LANCL2: variants seen among roughly 807,000 people sequenced by gnomAD.
LANCL2 encodes the protein lanC-like protein 2.
In LANCL2, 33 loss-of-function variants were observed where a neutral mutation model predicts 56.9. The observed-to-expected ratio is 0.58, with a 90% CI of 0.44 to 0.78. The LOEUF (loss-of-function observed/expected upper bound fraction) is 0.78. Among genes scored for constraint, LANCL2 ranks in the 30% least tolerant of loss-of-function variants. LANCL2 has a pLI of 0.00. For missense variants in LANCL2, 562 were observed against 580.2 expected (o/e 0.97, Z 0.32); for synonymous variants, 233 against 228.2 (o/e 1.02, Z -0.19).
chr7:55,365,937 C>A lies in LANCL2; in HGVS notation c.-89C>A. ...CGCTCCTCCTAGAGGACGCTCTCTG[C>A]GCGGGCCCTCGGAGGAGGCGGCGGC... is the stretch of plus-strand genomic sequence containing the variant. On this transcript the variant is annotated 5_prime_UTR_variant, in exon 1 of 9. Transcript: ENST00000254770. The A allele has an allele frequency of 1.5e-5, 16 of 1,073,802 alleles. No individual in the cohort carries two copies. Among genetic ancestry groups the A allele is most frequent in the Non-Finnish European group, 2.0e-5 (16 of 786,218 alleles). The allele number at this position is 1,073,802 out of a possible 1,614,324, so 66.5% of individuals were successfully genotyped here.
intron 4 of LANCL2, among the ~76,000 whole-genome samples, chr7:55,400,549 A>C (rs1487032073): frequency 1.3e-5 from 2 of 152,214 alleles, no homozygotes; most frequent in African/African-American, 4.8e-5. Flanking sequence ...TTAGGGACTC[A>C]GTCTCCAAGT....
chr7:55,408,583 C>T (rs1041295513), intron 5 of LANCL2, among the ~76,000 whole-genome samples: 10 of 151,620 alleles, frequency 6.6e-5, no homozygotes, highest in South Asian at 2.1e-4. Flanking sequence ...GCAGGAGAAT[C>T]GCTCGAACCC....
At chr7:55,376,808 A>G (rs777877879) in intron 1 of LANCL2, among the ~76,000 whole-genome samples, 17 of 152,346 alleles carry the variant, frequency 1.1e-4, no homozygotes, top group Admixed American at 2.6e-4. Context: ...GGGAGTACCC[A>G]GTCTTATTCA....
rs996965986 is a variant in LANCL2 at position 55,431,962 on chromosome 7, G to C, written c.*642G>C. The C allele has an allele frequency of 6.6e-6, 1 of 152,210 alleles. No individual in the cohort carries two copies. Among genetic ancestry groups the C allele is most frequent in the African/African-American group, 2.4e-5 (1 of 41,422 alleles). The allele number at this position is 152,210 out of a possible 1,614,324, so 9.4% of individuals were successfully genotyped here. A position where few individuals can be genotyped will look rare whatever the true frequency, so the allele number is the denominator to read the frequency against. On this transcript the variant is annotated 3_prime_UTR_variant, in exon 9 of 9. Coordinates refer to ENST00000254770, the MANE Select transcript of LANCL2 (RefSeq NM_018697.4). ...CTCAGAGTGCATTGCAGCTCTGTCA[G>C]GGCCCCATTCCCAGCAGAGGCTTCA...
chr7:55,401,556 T>C (rs1480195589), intron 5 of LANCL2, among the ~76,000 whole-genome samples: 1 of 106,178 alleles, frequency 9.4e-6, no homozygotes, highest in African/African-American at 3.9e-5. Context: ...TTTTCTTTTT[T>C]TTTTTTTTTT....
At chr7:55,392,328 T>A (rs565901834) in intron 2 of LANCL2, among the ~76,000 whole-genome samples, 217 of 130,434 alleles carry the variant, frequency 1.7e-3, no homozygotes, top group Non-Finnish European at 2.7e-3. Context: ...ATATCTTTTT[T>A]TTTTCTTTTT....
intron 1 of LANCL2, among the ~76,000 whole-genome samples, chr7:55,375,684 G>T (rs7792144): frequency 1.3e-5 from 2 of 151,980 alleles, no homozygotes; most frequent in African/African-American, 4.8e-5. Context: ...GTACAGTCTG[G>T]CTCTGCTGGC....
Position 55,366,221 on chromosome 7 carries a change from G to C in LANCL2, c.196G>C (p.Asp66His), listed in dbSNP as rs1209019925. ...TDEPGLPFHQ[D>H]GKIIHNFIRR... ...TGAGCCCGGCCTCCCTTTTCATCAGGACGGGAAGGTGAGTCGGCGGCCTGG... is the reference window on the plus strand; with the variant it reads ...TGAGCCCGGCCTCCCTTTTCATCAGCACGGGAAGGTGAGTCGGCGGCCTGG... The change falls in exon 1 of 9, where the codon GAC (aspartate) becomes CAC (histidine). Residue 66 changes from aspartate to histidine, a missense_variant. Around this residue, in one of 2 missense-constraint regions of LANCL2, gnomAD observed 184 missense variants for 111.8 expected, o/e 1.65. Transcript: ENST00000254770. The C allele has an allele frequency of 1.3e-6, 2 of 1,515,746 alleles. No homozygotes were observed. Among genetic ancestry groups the C allele is most frequent in the Admixed American group, 2.1e-5 (1 of 47,884 alleles). 93.9% of individuals were successfully genotyped at this position (1,515,746 alleles called of 1,614,324 possible).
At chr7:55,393,893 A>T (rs912811073) in intron 2 of LANCL2, among the ~76,000 whole-genome samples, 1 of 152,260 alleles carries the variant, frequency 6.6e-6, no homozygotes, top group African/African-American at 2.4e-5. Flanking sequence ...AATACAAAGA[A>T]TAAGGATATT....
At chr7:55,379,290 C>T (rs1353893322) in intron 1 of LANCL2, among the ~76,000 whole-genome samples, 2 of 152,174 alleles carry the variant, frequency 1.3e-5, no homozygotes, top group Admixed American at 6.5e-5. Flanking sequence ...TCAACTTAAA[C>T]GTACTTTAAT....
chr7:55,407,966 C>G (rs901140379), intron 5 of LANCL2, among the ~76,000 whole-genome samples: 1 of 152,080 alleles, frequency 6.6e-6, no homozygotes, highest in Non-Finnish European at 1.5e-5. Context: ...GACCAGTAGC[C>G]GATGAGCGGA....
At chr7:55,370,228 A>G (rs889769006) in intron 1 of LANCL2, among the ~76,000 whole-genome samples, 1 of 152,228 alleles carries the variant, frequency 6.6e-6, no homozygotes, top group Non-Finnish European at 1.5e-5. Flanking sequence ...GCCTCATGAC[A>G]TAGTGGCTGT....
intron 2 of LANCL2, among the ~76,000 whole-genome samples, chr7:55,392,202 A>T (rs1255550849): frequency 1.1e-4 from 17 of 152,128 alleles, no homozygotes; most frequent in Admixed American, 7.9e-4. Flanking sequence ...CTGAGGCAGG[A>T]GAATTGCTTG....
chr7:55,377,104 T>C lies in LANCL2; in HGVS notation c.204+10875T>C, dbSNP rs377172790. Reference sequence around the variant, plus strand: ...AACAGTTGTTAGAGTGTTGATTATATCATCTAAAATATTTGTAAAATTGTA... The same window carrying C: ...AACAGTTGTTAGAGTGTTGATTATACCATCTAAAATATTTGTAAAATTGTA... On this transcript the variant is annotated intron_variant, in intron 1 of 8. Transcript: ENST00000254770. 3.9e-4 allele frequency among the ~76,000 whole-genome samples: 59 copies of C among 152,348 alleles called. No individual in the cohort carries two copies. The South Asian group carries it at 0.012, about 31-fold the overall frequency.
Position 55,401,158 on chromosome 7 carries a change from CTT to C in LANCL2, c.679-15_679-14del. On this transcript the variant is annotated splice_polypyrimidine_tract_variant and intron_variant, in intron 4 of 8. Transcript: ENST00000254770. ...ATATACAGTTTTAGATTTATGCTGT[CTT>C]GTTATCTCTGTAGGTAGTCAATGCT... 6.2e-7 allele frequency: 1 copy of C among 1,612,072 alleles called. No individual in the cohort carries two copies. Among genetic ancestry groups the C allele is most frequent in the Non-Finnish European group, 8.5e-7 (1 of 1,178,342 alleles).
In LANCL2 at chr7:55,365,971, C is replaced by G; in HGVS notation, c.-55C>G. 7.6e-7 allele frequency: 1 copy of G among 1,320,658 alleles called. No individual in the cohort carries two copies. The highest frequency in any genetic ancestry group is 3.1e-5 in the East Asian group (1 of 32,474). 81.8% of individuals were successfully genotyped at this position (1,320,658 alleles called of 1,614,324 possible). On this transcript the variant is annotated 5_prime_UTR_variant, in exon 1 of 9. Transcript: ENST00000254770. The stretch of plus-strand genomic sequence containing the variant: ...TCGGAGGAGGCGGCGGCGGGGCGAG[C>G]TGCAGCGCCGGGACAGGAGGTTTGT...
At chr7:55,428,206 C>T in intron 7 of LANCL2, 169 bp from the exon 8 acceptor site, 1 of 628,872 alleles carries the variant, frequency 1.6e-6, no homozygotes, top group Non-Finnish European at 2.8e-6. Context: ...CAGAGCCTTG[C>T]TGGGCCTCAC....
At chr7:55,424,029 G>A (rs747969726) in intron 6 of LANCL2, among the ~76,000 whole-genome samples, 33 of 152,094 alleles carry the variant, frequency 2.2e-4, no homozygotes, top group Non-Finnish European at 2.6e-4. Flanking sequence ...AGCCCTTCTC[G>A]GCTGAGTGTC....
chr7:55,397,851 C>G (rs1279514530), intron 2 of LANCL2, among the ~76,000 whole-genome samples: 1 of 151,842 alleles, frequency 6.6e-6, no homozygotes, highest in African/African-American at 2.4e-5. Context: ...GTACTGATCA[C>G]CTTACTCTGT....
Sources: gnomAD v4.1 joint callset for allele counts (sites outside exome capture counted in the v4.1 genomes callset) on GRCh38, gnomAD v4.1.1 for gene constraint, gnomAD v4.1.1 regional missense constraint, MANE v1.5 for transcripts, NCBI Gene and HGNC (gene_info 2026-07-23, HGNC 2026-07-21) for gene names.